Variants in BICD1 observed in about 807,000 individuals in gnomAD.
BICD1 encodes the protein protein bicaudal D homolog 1.
BICD1 carries 35 observed loss-of-function variants against 92.5 expected under a neutral mutation model. That is an observed-to-expected ratio of 0.38 (90% CI 0.29 to 0.50). The LOEUF is 0.50. BICD1 is among the 20% of genes least tolerant of loss of function. The probability of loss-of-function intolerance (pLI) is 0.93; values close to 1 mark genes in which losing one functional copy is unlikely to be tolerated. For missense variants in BICD1, 950 were observed against 1,189.8 expected (o/e 0.80, Z 2.97); for synonymous variants, 429 against 465.1 (o/e 0.92, Z 1.00).
chr12:32,221,357 A>AAAAT (rs1555150056), intron 2 of BICD1, among the ~76,000 whole-genome samples: 2 of 85,284 alleles, frequency 2.3e-5, no homozygotes, highest in Non-Finnish European at 4.5e-5. Flanking sequence ...AAAAATAAAA[A>AAAAT]AATAAATAAA....
At chr12:32,169,563 G>A (rs1943874059) in intron 1 of BICD1, among the ~76,000 whole-genome samples, 3 of 151,908 alleles carry the variant, frequency 2.0e-5, no homozygotes, top group Admixed American at 1.3e-4. Flanking sequence ...ACAGGCGTGA[G>A]CCACTGTGCC....
chr12:32,356,587 C>T (rs979329653), intron 8 of BICD1, among the ~76,000 whole-genome samples: 10 of 151,768 alleles, frequency 6.6e-5, no homozygotes, highest in Non-Finnish European at 1.5e-4. Flanking sequence ...GAGCCGAGAG[C>T]ACACTACTGC....
intron 8 of BICD1, chr12:32,340,766 T>C (rs1460423406): frequency 6.0e-6 from 1 of 166,160 alleles, no homozygotes; most frequent in Non-Finnish European, 1.2e-5. Flanking sequence ...GTATCATAGA[T>C]TTTGTTTCAG....
chr12:32,196,816 T>C (rs1319444774), intron 1 of BICD1, among the ~76,000 whole-genome samples: 1 of 152,170 alleles, frequency 6.6e-6, no homozygotes, highest in African/African-American at 2.4e-5. Context: ...TGGTGATGGA[T>C]ATGTTAGTTA....
intron 2 of BICD1, among the ~76,000 whole-genome samples, chr12:32,286,150 G>T (rs1947558849): frequency 1.3e-5 from 2 of 152,022 alleles, no homozygotes; most frequent in African/African-American, 4.8e-5. Context: ...GCTTTGCTGT[G>T]GTCTTAAATT....
chr12:32,286,580 C>A lies in BICD1; in HGVS notation c.427-7414C>A, dbSNP rs902451361. Among the ~76,000 whole-genome samples the A allele has an allele frequency of 6.6e-5, 10 of 152,116 alleles. No homozygotes were observed. The South Asian group carries it at 8.3e-4, about 13-fold the overall frequency. On this transcript the variant is annotated intron_variant, in intron 2 of 9. Transcript: ENST00000652176. Reference sequence around the variant, plus strand: ...TTGCCCAAGGAACAGAAGGCAGAAACCAAGTAACTTGACAATATATTAGAG... The same window carrying A: ...TTGCCCAAGGAACAGAAGGCAGAAAACAAGTAACTTGACAATATATTAGAG...
At chr12:32,307,207 A>G (rs1206479064) in intron 4 of BICD1, among the ~76,000 whole-genome samples, 2 of 152,210 alleles carry the variant, frequency 1.3e-5, no homozygotes, top group Non-Finnish European at 2.9e-5. Context: ...AAAGACGTAA[A>G]GGACTTCCTA....
chr12:32,282,423 G>A (rs1275697377), intron 2 of BICD1, among the ~76,000 whole-genome samples: 5 of 152,010 alleles, frequency 3.3e-5, no homozygotes, highest in African/African-American at 4.8e-5. Context: ...GTTTTGCCAC[G>A]TTGCCCAGGC....
chr12:32,207,891 G>A (rs188166793), intron 1 of BICD1, among the ~76,000 whole-genome samples: 125 of 152,334 alleles, frequency 8.2e-4, no homozygotes, highest in African/African-American at 2.8e-3. Context: ...TGAGTAGGGA[G>A]CTGCTCTCAT....
chr12:32,301,533 G>A (rs770033132), intron 3 of BICD1, among the ~76,000 whole-genome samples: 2 of 151,932 alleles, frequency 1.3e-5, no homozygotes, highest in South Asian at 2.1e-4. Flanking sequence ...CCAGCACTTC[G>A]GGAGGCTGAG....
At chr12:32,314,250 C>T (rs1351571341) in intron 4 of BICD1, among the ~76,000 whole-genome samples, 5 of 152,092 alleles carry the variant, frequency 3.3e-5, no homozygotes, top group South Asian at 4.1e-4. Flanking sequence ...TACAAGTTTT[C>T]GTGTGCACGT....
At chr12:32,112,130 C>T (rs1288484457) in intron 1 of BICD1, among the ~76,000 whole-genome samples, 1 of 151,722 alleles carries the variant, frequency 6.6e-6, no homozygotes, top group Non-Finnish European at 1.5e-5. Flanking sequence ...CTTCAGCCTC[C>T]CGAGTAGCTA....
At chr12:32,153,050 C>T (rs954901642) in intron 1 of BICD1, among the ~76,000 whole-genome samples, 5 of 152,184 alleles carry the variant, frequency 3.3e-5, no homozygotes, top group African/African-American at 9.7e-5. Context: ...AGTAGTTTTT[C>T]AACCCTTGCT....
chr12:32,332,231 G>T (rs1284384589), intron 5 of BICD1, among the ~76,000 whole-genome samples: 3 of 152,146 alleles, frequency 2.0e-5, no homozygotes, highest in African/African-American at 7.2e-5. Context: ...GAGGCTGAAG[G>T]ATGAGAGGAA....
intron 3 of BICD1, among the ~76,000 whole-genome samples, chr12:32,303,283 C>A (rs1250514410): frequency 6.6e-6 from 1 of 152,072 alleles, no homozygotes; most frequent in South Asian, 2.1e-4. Flanking sequence ...TGAGCACATT[C>A]TTTCACTGAA....
rs778054016 is a variant in BICD1, at chr12:32,328,443, T to C, written c.1988T>C (p.Ile663Thr). The C allele has an allele frequency of 6.2e-7, 1 of 1,614,108 alleles. No homozygotes were observed. The highest frequency in any genetic ancestry group is 1.7e-5 in the Admixed American group (1 of 60,012). Residue 663 changes from isoleucine to threonine, a missense_variant, in exon 5 of 10, where the codon ATT becomes ACT. Ile to Thr is a moderately conservative substitution (Grantham distance 89). Coordinates refer to ENST00000652176, the MANE Select transcript of BICD1 (RefSeq NM_001714.4). The surrounding 1 kb of genome is among the most constrained non-coding windows in gnomAD (Gnocchi z 4.4). ...RAAARELAPM[I>T]DKDKEALMEE... is the part of the protein sequence containing the mutation. ...GCGGCTCGGGAGCTAGCCCCCATGA[T>C]TGATAAAGACAAGGAAGCCTTAATG...
intron 1 of BICD1, among the ~76,000 whole-genome samples, chr12:32,208,458 C>T (rs1353286853): frequency 6.6e-6 from 1 of 152,208 alleles, no homozygotes; most frequent in Non-Finnish European, 1.5e-5. Flanking sequence ...CCCAATGTCA[C>T]ACAGTAAGTG....
Position 32,324,280 on chromosome 12 carries a change from G to A in BICD1, c.1006-3181G>A, listed in dbSNP as rs148654436. Among the ~76,000 whole-genome samples the A allele has an allele frequency of 7.2e-3, 1,097 of 151,474 alleles. 14 individuals carry two copies. Among genetic ancestry groups the A allele is most frequent in the African/African-American group, 0.025 (1,015 of 41,234 alleles). On this transcript the variant is annotated intron_variant, in intron 4 of 9. Coordinates refer to ENST00000652176, the MANE Select transcript of BICD1 (RefSeq NM_001714.4). ...TGAGGCAGAAGAATCGCTTGAACCC[G>A]GGAGGCGGAGGTTGCAGTGAGCGTA...
intron 4 of BICD1, among the ~76,000 whole-genome samples, chr12:32,323,519 T>C (rs1948705678): frequency 6.6e-6 from 1 of 152,216 alleles, no homozygotes; most frequent in Admixed American, 6.5e-5. Context: ...GAGATTTGAC[T>C]CCAGTGTTCT....
Sources: allele counts gnomAD v4.1 joint callset (sites outside exome capture counted in the v4.1 genomes callset), GRCh38; gene constraint gnomAD v4.1.1; non-coding constraint Gnocchi (gnomAD v3.1); transcripts MANE v1.5; gene names NCBI Gene and HGNC (gene_info 2026-07-23, HGNC 2026-07-21).